The following TNS2 variants were observed in gnomAD, a reference collection of about 807,000 sequenced individuals.
TNS2 encodes the protein tensin 2.
In TNS2, 77 loss-of-function variants were observed where a neutral mutation model predicts 155.7. The observed-to-expected ratio is 0.49, with a 90% confidence interval of 0.41 to 0.60. The LOEUF is 0.60. TNS2 is among the 20% of genes least tolerant of loss of function. TNS2 has a pLI of 0.00. For missense variants in TNS2, 1,703 were observed against 1,868.8 expected (o/e 0.91, Z 1.64); for synonymous variants, 726 against 763.9 (o/e 0.95, Z 0.82).
chr12:53,057,137 C>G, intron 11 of TNS2, 41 bp downstream of exon 11: 1 of 1,581,600 alleles, frequency 6.3e-7, no homozygotes, highest in Non-Finnish European at 8.6e-7. Flanking sequence ...GAGCAGCTCC[C>G]TTCATGGCTA....
rs376524874 is a variant in TNS2, at chr12:53,057,922, C to T, written c.1019+89C>T. On this transcript the variant is annotated intron_variant, in intron 13 of 28. Coordinates refer to ENST00000314250, the MANE Select transcript of TNS2 (RefSeq NM_170754.4). ...CTGCTTCTCCAGCCTCCCTAGACACCTGGGCAGGGCTCAGACTCTGGTCTC... is the reference window on the plus strand; with the variant it reads ...CTGCTTCTCCAGCCTCCCTAGACACTTGGGCAGGGCTCAGACTCTGGTCTC... 5 of 1,607,836 alleles carry T rather than the reference C, an allele frequency of 3.1e-6. No individual in the cohort carries two copies. In the African/African-American group the frequency reaches 6.7e-5, roughly 21 times the overall value.
chr12:53,052,361 G>T (rs981404644), intron 2 of TNS2, 94 bp from the exon 3 acceptor site: 21 of 1,512,414 alleles, frequency 1.4e-5, no homozygotes, highest in Non-Finnish European at 1.7e-5. Flanking sequence ...AAGTCCCAGG[G>T]TCTGGTTCCA....
intron 21 of TNS2, 77 bp downstream of exon 21, chr12:53,061,546 T>C (rs1186501870): frequency 5.3e-6 from 8 of 1,499,422 alleles, no homozygotes; most frequent in Non-Finnish European, 7.4e-6. Flanking sequence ...TCCCATCCTG[T>C]TGAAGCTCTT....
chr12:53,047,243 TCCC>T (rs1943753498), upstream of TNS2, among the ~76,000 whole-genome samples: 1 of 131,274 alleles, frequency 7.6e-6, no homozygotes. Context: ...GGCCGCCCGC[TCCC>T]GCCACTGCCA....
At chr12:53,054,759 C>T (rs914276055) in intron 7 of TNS2, among the ~76,000 whole-genome samples, 2 of 152,012 alleles carry the variant, frequency 1.3e-5, no homozygotes, top group Non-Finnish European at 2.9e-5. Flanking sequence ...ACTGCAACCT[C>T]CTCCACCCGG....
At position 53,060,856 on chromosome 12, in the gene TNS2, A is replaced by G; in HGVS notation, c.2950A>G (p.Ser984Gly). The G allele has an allele frequency of 6.3e-7, 1 of 1,597,754 alleles. No individual in the cohort carries two copies. Among genetic ancestry groups the G allele is most frequent in the African/African-American group, 1.3e-5 (1 of 74,668 alleles). The stretch of plus-strand genomic sequence containing the variant: ...TCCGACCTTCCCTCCCAGCTCGCCC[A>G]GTGACTGGCCTCAGGAAAGGAGTCC... ...VSPTFPPSSP[S>G]DWPQERSPGG... Residue 984 changes from serine (S) to glycine (G), a missense_variant, in exon 20 of 29, where the codon AGT becomes GGT. Coordinates refer to ENST00000314250, the MANE Select transcript of TNS2 (RefSeq NM_170754.4). The surrounding 1 kb of genome is among the most constrained non-coding windows in gnomAD (Gnocchi z 6.1).
chr12:53,062,821 G>A (rs1944425600), intron 25 of TNS2, 124 bp downstream of exon 25: 1 of 1,214,622 alleles, frequency 8.2e-7, no homozygotes, highest in Non-Finnish European at 1.2e-6. Flanking sequence ...GAGGGCAGGG[G>A]AGCCCCATAC....
At position 53,055,802 on chromosome 12, in the gene TNS2, G is replaced by A; in HGVS notation, c.718G>A (p.Val240Ile). 1.9e-6 allele frequency: 3 copies of A among 1,614,216 alleles called. No homozygotes were observed. The highest frequency in any genetic ancestry group is 1.7e-6 in the Non-Finnish European group (2 of 1,180,036). The change falls in exon 10 of 29, where the codon GTC (valine) becomes ATC (isoleucine). Residue 240 changes from valine to isoleucine, a missense_variant. Coordinates refer to ENST00000314250, the MANE Select transcript of TNS2 (RefSeq NM_170754.4). Reference sequence around the variant, plus strand: ...TCAGGGAAACAAGGGCAAGCTTGGGGTCATCGTTTCTGCCTACATGCACTA... The same window carrying A: ...TCAGGGAAACAAGGGCAAGCTTGGGATCATCGTTTCTGCCTACATGCACTA... ...YCKGNKGKLGVIVSAYMHYSK... is the reference protein window; with the variant it reads ...YCKGNKGKLGIIVSAYMHYSK...
intron 14 of TNS2, 38 bp from the exon 15 acceptor site, chr12:53,058,278 C>G (rs893379200): frequency 1.2e-6 from 2 of 1,610,990 alleles, no homozygotes; most frequent in African/African-American, 2.7e-5. Context: ...CAGAAGAGGA[C>G]ATGAGGCCTG....
rs1041047254 is a variant in TNS2, at chr12:53,063,994, T to C, written c.*112T>C. The C allele has an allele frequency of 8.0e-7, 1 of 1,243,108 alleles. No individual in the cohort carries two copies. The highest frequency in any genetic ancestry group is 1.1e-6 in the Non-Finnish European group (1 of 895,160). The allele number at this position is 1,243,108 out of a possible 1,614,324, so 77.0% of individuals were successfully genotyped here. A position where few individuals can be genotyped will look rare whatever the true frequency, so the allele number is the denominator to read the frequency against. On this transcript the variant is annotated 3_prime_UTR_variant, in exon 29 of 29. Transcript: ENST00000314250. The surrounding 1 kb of genome is among the most constrained non-coding windows in gnomAD (Gnocchi z 5.6). Reference sequence around the variant, plus strand: ...AGACCCAGGAGAAAGCACCCTCCCTTAGGAATGAGGAGTGGGCATCAGGCC... The same window carrying C: ...AGACCCAGGAGAAAGCACCCTCCCTCAGGAATGAGGAGTGGGCATCAGGCC...
chr12:53,053,633 T>C (rs1944023222), intron 4 of TNS2, 141 bp from the exon 5 acceptor site: 1 of 1,396,620 alleles, frequency 7.2e-7, no homozygotes, highest in Non-Finnish European at 9.8e-7. Flanking sequence ...TTGGGCCTGC[T>C]GGGGGTAGGA....
Position 53,059,254 on chromosome 12 carries a change from G to T in TNS2, c.1613G>T (p.Arg538Leu). Residue 538 changes from arginine (R) to leucine (L), a missense_variant, in exon 18 of 29, where the codon CGG (arginine) becomes CTG (leucine). By Grantham distance (102) the Arg-to-Leu change is moderately radical. Coordinates refer to ENST00000314250, the MANE Select transcript of TNS2 (RefSeq NM_170754.4). This position sits in a 1 kb window ranked among gnomAD's most constrained non-coding sequence, Gnocchi z 4.7. Reference sequence around the variant, plus strand: ...CGGCCGCCCCCTACAGCTGCTGAACGGCAGGAGCTGGATCGCCTCCTAGGA... The same window carrying T: ...CGGCCGCCCCCTACAGCTGCTGAACTGCAGGAGCTGGATCGCCTCCTAGGA... ...PGRPPPTAAE[R>L]QELDRLLGGC... The T allele has an allele frequency of 6.6e-7, 1 of 1,518,260 alleles. No individual in the cohort carries two copies. Among genetic ancestry groups the T allele is most frequent in the Non-Finnish European group, 8.8e-7 (1 of 1,141,508 alleles). 94.0% of individuals were successfully genotyped at this position (1,518,260 alleles called of 1,614,324 possible).
rs1254958972 is a variant in TNS2, at chr12:53,061,794, C to T, written c.3449-21C>T. ...CCCTGTGAAAACTCCTCCCCACTGC[C>T]CGCTACCCCTCACCCTGCAGCCATT... is the stretch of plus-strand genomic sequence containing the variant. On this transcript the variant is annotated intron_variant, in intron 21 of 28. Coordinates refer to ENST00000314250, the MANE Select transcript of TNS2 (RefSeq NM_170754.4). 8.1e-6 allele frequency: 13 copies of T among 1,604,918 alleles called. No homozygotes were observed. In the East Asian group the frequency reaches 8.9e-5, roughly 11 times the overall value.
Position 53,059,509 on chromosome 12 carries a change from A to G in TNS2, c.1868A>G (p.Tyr623Cys). ...EGTLERRRLA[Y>C]GGYEGSPQGY... Reference sequence around the variant, plus strand: ...ACCCTGGAGAGGAGGCGACTGGCCTACGGGGGCTATGAGGGATCCCCCCAG... The same window carrying G: ...ACCCTGGAGAGGAGGCGACTGGCCTGCGGGGGCTATGAGGGATCCCCCCAG... The change falls in exon 18 of 29, where the codon TAC (tyrosine) becomes TGC (cysteine). Residue 623 changes from tyrosine to cysteine, a missense_variant. Coordinates refer to ENST00000314250, the MANE Select transcript of TNS2 (RefSeq NM_170754.4). The surrounding 1 kb of genome is among the most constrained non-coding windows in gnomAD (Gnocchi z 4.7). 2 of 1,578,210 alleles carry G rather than the reference A, an allele frequency of 1.3e-6. No homozygotes were observed. Among genetic ancestry groups the G allele is most frequent in the Non-Finnish European group, 1.7e-6 (2 of 1,165,038 alleles).
At chr12:53,049,338 A>G, upstream of TNS2, 1 of 1,065,538 alleles carries the variant, frequency 9.4e-7, no homozygotes, top group Non-Finnish European at 1.4e-6. Context: ...AGGGCTAGGG[A>G]TCTGTGAGAT....
At chr12:53,058,214 T>C in intron 14 of TNS2, 102 bp from the exon 15 acceptor site, 2 of 1,605,382 alleles carry the variant, frequency 1.2e-6, no homozygotes, top group East Asian at 2.2e-5. Flanking sequence ...GGAGATCACC[T>C]TGAGATCGAG....
At chr12:53,049,220 A>G, upstream of TNS2, 1 of 1,605,702 alleles carries the variant, frequency 6.2e-7, no homozygotes, top group Non-Finnish European at 8.5e-7. Context: ...CTGCTGAGGA[A>G]GGAGAGCAGA....
chr12:53,055,146 G>A (rs374656891), intron 7 of TNS2, 40 bp from the exon 8 acceptor site: 47 of 1,609,320 alleles, frequency 2.9e-5, no homozygotes, highest in Middle Eastern at 1.6e-4. Flanking sequence ...CCTCATTGCC[G>A]GAGATCATTT....
chr12:53,059,205 G>A lies in TNS2; in HGVS notation c.1564G>A (p.Glu522Lys). The A allele has an allele frequency of 1.9e-6, 3 of 1,588,194 alleles. No individual in the cohort carries two copies. The highest frequency in any genetic ancestry group is 1.7e-6 in the Non-Finnish European group (2 of 1,172,798). ...AGGCCATTCCTCCACGCTGACCACA[G>A]AGCCGGCTGCTGAGTCCCCTGGCCG... ...DSGHSSTLTT[E>K]PAAESPGRPP... The change falls in exon 18 of 29, where the codon GAG becomes AAG. Residue 522 changes from glutamate to lysine, a missense_variant. Physicochemically the swap from Glu to Lys is moderately conservative, Grantham distance 56. Coordinates refer to ENST00000314250, the MANE Select transcript of TNS2 (RefSeq NM_170754.4). This position sits in a 1 kb window ranked among gnomAD's most constrained non-coding sequence, Gnocchi z 4.7.
Sources: allele counts gnomAD v4.1 joint callset (sites outside exome capture counted in the v4.1 genomes callset), GRCh38; gene constraint gnomAD v4.1.1; non-coding constraint Gnocchi (gnomAD v3.1); transcripts MANE v1.5; gene names NCBI Gene and HGNC (gene_info 2026-07-23, HGNC 2026-07-21).